NUP210L: variants seen among roughly 807,000 people sequenced by gnomAD.
NUP210L encodes the protein nuclear pore membrane glycoprotein 210-like.
A neutral mutation model predicts 208.5 loss-of-function variants in NUP210L; 74 were observed. The ratio of observed to expected loss-of-function variants is 0.35; its 90% CI spans 0.29 to 0.43. The LOEUF (loss-of-function observed/expected upper bound fraction) is 0.43, where lower values mean the gene tolerates loss of function less well. Ranked by LOEUF, NUP210L falls within the 20% of genes least tolerant of loss-of-function variation. The pLI, the probability that NUP210L is intolerant of heterozygous loss-of-function variation, is 1.00. For missense variants in NUP210L, 1,843 were observed against 2,289.4 expected, an observed-to-expected ratio of 0.81 and a Z score of 3.98; for synonymous variants, 780 against 816.9, an observed-to-expected ratio of 0.95 and a Z score of 0.77.
chr1:154,125,565 T>G (rs1483365831), intron 10 of NUP210L, among the ~76,000 whole-genome samples: 1 of 145,758 alleles, frequency 6.9e-6, no homozygotes, highest in South Asian at 2.2e-4. Context: ...CAGGCTGCAG[T>G]GAGCCATGAG....
intron 29 of NUP210L, among the ~76,000 whole-genome samples, chr1:154,025,985 G>T (rs1033754030): frequency 2.0e-5 from 3 of 152,000 alleles, no homozygotes; most frequent in Non-Finnish European, 4.4e-5. Context: ...CACTGTGGGA[G>T]GCCAAGGCGG....
intron 20 of NUP210L, 105 bp from the exon 21 acceptor site, chr1:154,058,798 T>C: frequency 8.9e-7 from 1 of 1,124,882 alleles, no homozygotes; most frequent in South Asian, 1.5e-5. Flanking sequence ...CTTGCTTTCT[T>C]TGAACTGGGG....
chr1:154,035,978 C>T (rs188609789), intron 27 of NUP210L, among the ~76,000 whole-genome samples: 5 of 152,022 alleles, frequency 3.3e-5, no homozygotes, highest in East Asian at 3.9e-4. Flanking sequence ...CGTGATCCAC[C>T]GGCCTCGGCC....
chr1:154,039,799 G>A (rs1467697635), intron 27 of NUP210L: 1 of 152,034 alleles, frequency 6.6e-6, no homozygotes, highest in Non-Finnish European at 1.5e-5. Flanking sequence ...GGTTAAATCT[G>A]CTTGGTGTTC....
intron 16 of NUP210L, among the ~76,000 whole-genome samples, chr1:154,076,361 C>T (rs1012634889): frequency 6.6e-6 from 1 of 152,206 alleles, no homozygotes; most frequent in South Asian, 2.1e-4. Context: ...CTCAGCCTCC[C>T]AAAGTGCTGG....
chr1:154,032,989 A>AAAAGAAAAGAAAAGAAAAG (rs1652336499), intron 27 of NUP210L, among the ~76,000 whole-genome samples: 1 of 147,444 alleles, frequency 6.8e-6, no homozygotes, highest in Non-Finnish European at 1.5e-5. Context: ...AAAAGAAAAG[A>AAAAGAAAAGAAAAGAAAAG]AAAGAAAGAA....
chr1:153,996,529 C>A (rs972909084), intron 37 of NUP210L, among the ~76,000 whole-genome samples: 1 of 151,602 alleles, frequency 6.6e-6, no homozygotes, highest in Non-Finnish European at 1.5e-5. Context: ...TCAAGCAATT[C>A]TTTTGTCTCA....
At chr1:154,142,716 C>T (rs1658915998) in intron 3 of NUP210L, among the ~76,000 whole-genome samples, 1 of 149,288 alleles carries the variant, frequency 6.7e-6, no homozygotes, top group Non-Finnish European at 1.5e-5. Flanking sequence ...CATGGTGAAA[C>T]CCGTCTCTAT....
intron 2 of NUP210L, among the ~76,000 whole-genome samples, chr1:154,151,963 G>A (rs929586208): frequency 6.6e-6 from 1 of 150,806 alleles, no homozygotes; most frequent in East Asian, 2.0e-4. Context: ...GTGGCAGTGC[G>A]CCTGTAATCC....
chr1:154,043,767 C>T (rs1345256782), intron 27 of NUP210L, among the ~76,000 whole-genome samples: 1 of 151,498 alleles, frequency 6.6e-6, no homozygotes, highest in Non-Finnish European at 1.5e-5. Context: ...GCTGGGATTA[C>T]AGGTTTGTGC....
rs980938436 is a variant in NUP210L at position 154,046,050 on chromosome 1, T to C, written c.3696+19A>G. 5.0e-6 allele frequency: 8 copies of C among 1,607,504 alleles called. No homozygotes were observed. In the African/African-American group the frequency reaches 8.1e-5, roughly 16 times the overall value. ...TATCAAGATCCCTAAGATAACACAA[T>C]AAACAGGCAAATTCTTACCTCTGAA... On this transcript the variant is annotated intron_variant, in intron 27 of 39. Transcript: ENST00000368559.
chr1:154,012,769 C>T (rs1363627431), intron 33 of NUP210L, among the ~76,000 whole-genome samples: 2 of 150,560 alleles, frequency 1.3e-5, no homozygotes, highest in Non-Finnish European at 3.0e-5. Flanking sequence ...ACTGGGAGGC[C>T]GAGGCGGGCG....
Position 154,125,762 on chromosome 1 carries a change from T to G in NUP210L, c.1326+561A>C, listed in dbSNP as rs1286533515. ...GGGAGGGAGGGAAATGTTTTTTTTT[T>G]TTTTTTTTTTTTTTTTTTTTTTTGA... On this transcript the variant is annotated intron_variant, in intron 10 of 39. Transcript: ENST00000368559. Among the ~76,000 whole-genome samples, 5 of 19,022 alleles carry G rather than the reference T, an allele frequency of 2.6e-4. 2 individuals carry two copies. The highest frequency in any genetic ancestry group is 1.4e-3 in the African/African-American group (5 of 3,472). The allele number at this position is 19,022 out of a possible 152,430, so 12.5% of individuals were successfully genotyped here. A position where few individuals can be genotyped will look rare whatever the true frequency, so the allele number is the denominator to read the frequency against.
At chr1:154,143,671 AAAAG>A in intron 2 of NUP210L, 94 bp from the exon 3 acceptor site, 2 of 1,105,752 alleles carry the variant, frequency 1.8e-6, no homozygotes, top group Non-Finnish European at 2.6e-6. Flanking sequence ...AAGATTATGA[AAAAG>A]AAAGACTATG....
chr1:154,071,589 A>G, intron 16 of NUP210L, among the ~76,000 whole-genome samples: 1 of 148,788 alleles, frequency 6.7e-6, no homozygotes, highest in Non-Finnish European at 1.5e-5. Flanking sequence ...ATAGTCTCCA[A>G]TCCCATCCAG....
chr1:154,061,620 T>C, exon 18 of NUP210L: 1 of 1,608,918 alleles, frequency 6.2e-7, no homozygotes, highest in Non-Finnish European at 8.5e-7. Flanking sequence ...GCCCACAAAA[T>C]TGACTCCAAT....
At chr1:154,140,044 T>C in intron 4 of NUP210L, 92 bp from the exon 5 acceptor site, 2 of 1,008,762 alleles carry the variant, frequency 2.0e-6, no homozygotes, top group South Asian at 1.6e-5. Flanking sequence ...GTTTCTTCAA[T>C]GTCTATAGAA....
At chr1:154,148,137 C>T (rs921340544) in intron 2 of NUP210L, among the ~76,000 whole-genome samples, 17 of 150,962 alleles carry the variant, frequency 1.1e-4, no homozygotes, top group Non-Finnish European at 2.1e-4. Context: ...CATGGTGGTG[C>T]GTGCCTGTAA....
chr1:154,115,252 G>T (rs1657262153), intron 12 of NUP210L, among the ~76,000 whole-genome samples: 1 of 152,076 alleles, frequency 6.6e-6, no homozygotes, highest in Non-Finnish European at 1.5e-5. Flanking sequence ...AGCCTGTATT[G>T]GTTCCCCATT....
Sources: allele counts gnomAD v4.1 joint callset (sites outside exome capture counted in the v4.1 genomes callset), GRCh38; gene constraint gnomAD v4.1.1; transcripts MANE v1.5; gene names NCBI Gene and HGNC (gene_info 2026-07-23, HGNC 2026-07-21).